The following ELMO2 variants were observed in gnomAD, a reference collection of about 807,000 sequenced individuals.
ELMO2 encodes the protein engulfment and cell motility 2.
In ELMO2, 37 loss-of-function variants were observed where a neutral mutation model predicts 96.2. The ratio of observed to expected loss-of-function variants is 0.38; its 90% CI spans 0.30 to 0.51. The LOEUF (loss-of-function observed/expected upper bound fraction) is 0.51, where lower values mean the gene tolerates loss of function less well. Among genes scored for constraint, ELMO2 ranks in the 20% least tolerant of loss-of-function variants. The pLI, the probability that ELMO2 is intolerant of heterozygous loss-of-function variation, is 0.88. For missense variants in ELMO2, 561 were observed against 912.6 expected, an observed-to-expected ratio of 0.61 and a Z score of 4.96; for synonymous variants, 315 against 329.4, an observed-to-expected ratio of 0.96 and a Z score of 0.47.
intron 19 of ELMO2, 60 bp from the exon 20 acceptor site, chr20:46,370,585 A>T: frequency 6.6e-7 from 1 of 1,514,496 alleles, no homozygotes; most frequent in South Asian, 1.1e-5. Context: ...CAGTGCCTAC[A>T]TCAGTGCTGG....
chr20:46,383,829 G>A (rs2059997534), intron 9 of ELMO2, among the ~76,000 whole-genome samples: 1 of 152,154 alleles, frequency 6.6e-6, no homozygotes, highest in Non-Finnish European at 1.5e-5. Flanking sequence ...TCATGTTTTA[G>A]GGTAAAGATT....
rs763641905 is a variant in ELMO2, at chr20:46,386,195, C to T, written c.606G>A (p.Leu202=). 4.1e-5 allele frequency: 66 copies of T among 1,614,028 alleles called. No homozygotes were observed. The highest frequency in any genetic ancestry group is 5.5e-5 in the Non-Finnish European group (65 of 1,180,030). ...TCTTCTGGTACAGACTCTGGCTGTT[C>T]AAGACCATGCTCTCCAGGATGGCCA... ...RSLAILESMV[L]NSQSLYQKIA... Residue 202 remains leucine, a synonymous_variant, in exon 9 of 22, where the codon TTG becomes TTA. Transcript: ENST00000290246.
Position 46,389,229 on chromosome 20 carries a change from C to T in ELMO2, c.244-9G>A. 1 of 1,612,082 alleles carries T rather than the reference C, an allele frequency of 6.2e-7. No homozygotes were observed. Among genetic ancestry groups the T allele is most frequent in the African/African-American group, 1.3e-5 (1 of 75,004 alleles). On this transcript the variant is annotated splice_polypyrimidine_tract_variant and intron_variant, in intron 6 of 21. Coordinates refer to ENST00000290246, the MANE Select transcript of ELMO2 (RefSeq NM_133171.5). Reference sequence around the variant, plus strand: ...TGGCGTGCAGCCCGGGACTAGGAGGCCAGGGACAAGATATGTGCCATCTGC... The same window carrying T: ...TGGCGTGCAGCCCGGGACTAGGAGGTCAGGGACAAGATATGTGCCATCTGC...
intron 11 of ELMO2, among the ~76,000 whole-genome samples, chr20:46,377,572 C>A (rs1487700659): frequency 1.8e-4 from 28 of 152,302 alleles, no homozygotes; most frequent in African/African-American, 6.0e-4. Context: ...CAAATTAGGT[C>A]CTCAGCCACA....
intron 9 of ELMO2, among the ~76,000 whole-genome samples, chr20:46,384,352 C>A (rs2060005880): frequency 6.6e-6 from 1 of 152,112 alleles, no homozygotes; most frequent in Non-Finnish European, 1.5e-5. Context: ...GGCTGTCTTT[C>A]CAGAGGGTCT....
Position 46,375,597 on chromosome 20 carries a change from T to G in ELMO2, c.930+71A>C. The stretch of plus-strand genomic sequence containing the variant: ...TTCTGCAGACAAAGACCAAGCACAG[T>G]GCCTGGCACATAGACTAAGGCTGGA... On this transcript the variant is annotated intron_variant, in intron 12 of 21. Coordinates refer to ENST00000290246, the MANE Select transcript of ELMO2 (RefSeq NM_133171.5). This position sits in a 1 kb window ranked among gnomAD's most constrained non-coding sequence, Gnocchi z 4.6. 6.2e-7 allele frequency: 1 copy of G among 1,603,022 alleles called. No homozygotes were observed. The highest frequency in any genetic ancestry group is 1.1e-5 in the South Asian group (1 of 90,194).
Position 46,374,642 on chromosome 20 carries a change from T to TA in ELMO2, c.1066-3dup. 6.2e-7 allele frequency: 1 copy of TA among 1,614,026 alleles called. No individual in the cohort carries two copies. Among genetic ancestry groups the TA allele is most frequent in the Non-Finnish European group, 8.5e-7 (1 of 1,179,944 alleles). ...GTCCATGGCTGGATTGATGTGGTTC[T>TA]AGAGAAATAAAGACACCCAATTTGA... is the stretch of plus-strand genomic sequence containing the variant. On this transcript the variant is annotated splice_polypyrimidine_tract_variant and splice_region_variant and intron_variant, in intron 13 of 21. Coordinates refer to ENST00000290246, the MANE Select transcript of ELMO2 (RefSeq NM_133171.5).
At chr20:46,374,478 A>T in intron 14 of ELMO2, 38 bp from the exon 15 acceptor site, 1 of 1,612,326 alleles carries the variant, frequency 6.2e-7, no homozygotes, top group Non-Finnish European at 8.5e-7. Context: ...AGGGAGATGA[A>T]GGAGGAAGGC....
chr20:46,392,166 C>T (rs2060161843), intron 6 of ELMO2, among the ~76,000 whole-genome samples: 1 of 152,178 alleles, frequency 6.6e-6, no homozygotes, highest in Non-Finnish European at 1.5e-5. Flanking sequence ...CCATACTCTC[C>T]TCAGTCCTGA....
intron 10 of ELMO2, chr20:46,382,164 C>G: frequency 7.8e-7 from 1 of 1,288,778 alleles, no homozygotes; most frequent in South Asian, 1.2e-5. Context: ...ACTTCCCCAC[C>G]TGCAAGAGCT....
intron 6 of ELMO2, among the ~76,000 whole-genome samples, chr20:46,391,224 T>C (rs1385879814): frequency 1.3e-5 from 2 of 152,004 alleles, no homozygotes; most frequent in African/African-American, 2.4e-5. Flanking sequence ...CAGAAGAACA[T>C]GATGGGAGGA....
intron 1 of ELMO2, 114 bp downstream of exon 1, chr20:46,406,434 C>G (rs1208492819): frequency 6.6e-6 from 1 of 152,604 alleles, no homozygotes; most frequent in Non-Finnish European, 1.5e-5. Context: ...CCCTCAGCCT[C>G]CGGAGCAGAC....
At chr20:46,376,791 T>C (rs6094286) in intron 11 of ELMO2, 112,017 of 1,288,888 alleles carry the variant, frequency 0.087, 6,671 homozygotes, top group African/African-American at 0.3. Context: ...TGTCCTTCAA[T>C]TTCCCTACTC....
intron 11 of ELMO2, among the ~76,000 whole-genome samples, chr20:46,378,847 T>C (rs188750988): frequency 3.3e-4 from 51 of 152,378 alleles, no homozygotes; most frequent in Admixed American, 2.5e-3. Context: ...AGAGAAGTTA[T>C]GTGAAATGCT....
At chr20:46,382,294 C>T in intron 10 of ELMO2, 1 of 1,288,128 alleles carries the variant, frequency 7.8e-7, no homozygotes, top group South Asian at 1.2e-5. Context: ...GAGCTTTCAG[C>T]TTACATTCAA....
intron 5 of ELMO2, 102 bp downstream of exon 5, chr20:46,393,427 T>A (rs2060189544): frequency 1.5e-6 from 2 of 1,293,664 alleles, no homozygotes; most frequent in Admixed American, 1.8e-5. Context: ...ACCCAACACA[T>A]GGAAGCTACC....
chr20:46,371,778 CGCCAGCCTCCCCT>C lies in ELMO2; in HGVS notation c.1580+15_1580+27del, dbSNP rs2059717492. 1.2e-6 allele frequency: 2 copies of C among 1,613,924 alleles called. No individual in the cohort carries two copies. The highest frequency in any genetic ancestry group is 1.7e-4 in the Middle Eastern group (1 of 6,060). On this transcript the variant is annotated intron_variant, in intron 17 of 21. Coordinates refer to ENST00000290246, the MANE Select transcript of ELMO2 (RefSeq NM_133171.5). The surrounding 1 kb of genome is among the most constrained non-coding windows in gnomAD (Gnocchi z 5.9). Reference sequence around the variant, plus strand: ...AAGCAGAGCTGGCAGCCACCTCCCCCGCCAGCCTCCCCTGAGATGGAACTTACACAATTGGCGG... The same window carrying C: ...AAGCAGAGCTGGCAGCCACCTCCCCCGAGATGGAACTTACACAATTGGCGG...
intron 1 of ELMO2, among the ~76,000 whole-genome samples, chr20:46,400,652 T>G (rs1489117315): frequency 2.0e-5 from 3 of 152,248 alleles, no homozygotes; most frequent in African/African-American, 2.4e-5. Context: ...CTCAAAATGC[T>G]ACAAAACAGG....
rs2060033700 is a variant in ELMO2 at position 46,385,977 on chromosome 20, G to A, written c.677+147C>T. ...AAGTCTGAATGATGGGAGAAATTCT[G>A]GCAGGAGTGTGGAAGAGGTGATGAA... On this transcript the variant is annotated intron_variant, in intron 9 of 21. Transcript: ENST00000290246. 10 of 823,320 alleles carry A rather than the reference G, an allele frequency of 1.2e-5. No homozygotes were observed. The South Asian group carries it at 2.0e-4, about 17-fold the overall frequency. The allele number at this position is 823,320 out of a possible 1,614,324, so 51.0% of individuals were successfully genotyped here.
Sources: allele counts gnomAD v4.1 joint callset (sites outside exome capture counted in the v4.1 genomes callset), GRCh38; gene constraint gnomAD v4.1.1; non-coding constraint Gnocchi (gnomAD v3.1); transcripts MANE v1.5; gene names NCBI Gene and HGNC (gene_info 2026-07-23, HGNC 2026-07-21).